Variants in METTL15 observed in about 807,000 individuals in gnomAD.
The protein encoded by METTL15 is 12S rRNA N(4)-cytidine methyltransferase METTL15.
A neutral mutation model predicts 38.3 loss-of-function variants in METTL15; 34 were observed. The ratio of observed to expected loss-of-function variants is 0.89; its 90% CI spans 0.68 to 1.18. The LOEUF is 1.18. Ranked by LOEUF, METTL15 falls within the 50% of genes most tolerant of loss-of-function variation. The pLI is 0.00. For missense variants in METTL15, 438 were observed against 498.4 expected (o/e 0.88, Z 1.15); for synonymous variants, 162 against 170.9 (o/e 0.95, Z 0.41).
At chr11:28,329,983 AT>A (rs375923391) in intron 6 of METTL15, among the ~76,000 whole-genome samples, 2 of 151,486 alleles carry the variant, frequency 1.3e-5, no homozygotes, top group East Asian at 1.9e-4. Context: ...TTCTGTTGGC[AT>A]TTTTTTTGTT....
intron 5 of METTL15, among the ~76,000 whole-genome samples, chr11:28,386,432 A>G (rs1315553223): frequency 6.6e-6 from 1 of 151,956 alleles, no homozygotes; most frequent in Non-Finnish European, 1.5e-5. Flanking sequence ...GATCATACTT[A>G]CATCAGAAAA....
At chr11:28,161,938 T>A (rs1314588646) in intron 3 of METTL15, among the ~76,000 whole-genome samples, 2 of 152,158 alleles carry the variant, frequency 1.3e-5, no homozygotes, top group Non-Finnish European at 2.9e-5. Flanking sequence ...AGCCATTAGA[T>A]TAGATGATAC....
intron 4 of METTL15, among the ~76,000 whole-genome samples, chr11:28,264,179 C>T (rs1021377771): frequency 3.3e-5 from 5 of 152,058 alleles, no homozygotes; most frequent in African/African-American, 7.2e-5. Flanking sequence ...GAAAGCATTT[C>T]GTTTGTCTTA....
At chr11:28,383,917 C>T (rs1850414013) in intron 5 of METTL15, among the ~76,000 whole-genome samples, 1 of 152,096 alleles carries the variant, frequency 6.6e-6, no homozygotes, top group African/African-American at 2.4e-5. Context: ...CATCCAGTGA[C>T]TAAGCTTAGT....
intron 3 of METTL15, among the ~76,000 whole-genome samples, chr11:28,201,673 G>A (rs879329654): frequency 1.4e-5 from 2 of 142,358 alleles, no homozygotes; most frequent in Non-Finnish European, 3.1e-5. Context: ...TTTGTGTAGA[G>A]GTGTTTATAG....
intron 3 of METTL15, among the ~76,000 whole-genome samples, chr11:28,200,038 T>A (rs907614132): frequency 2.6e-5 from 4 of 152,102 alleles, no homozygotes; most frequent in African/African-American, 9.7e-5. Flanking sequence ...TCATAGTGAG[T>A]GCTGGTGCAT....
At chr11:28,479,589 C>G (rs994235108) in intron 6 of METTL15, among the ~76,000 whole-genome samples, 2 of 152,114 alleles carry the variant, frequency 1.3e-5, no homozygotes, top group East Asian at 3.9e-4. Flanking sequence ...ATCCAGCTTG[C>G]CTGTAGTCTC....
intron 4 of METTL15, among the ~76,000 whole-genome samples, chr11:28,270,499 A>G (rs1025890326): frequency 6.6e-5 from 10 of 152,180 alleles, no homozygotes; most frequent in Admixed American, 3.3e-4. Flanking sequence ...ATTCCAGAAC[A>G]TTGTAATATT....
In METTL15 at chr11:28,185,964, T is replaced by C. The variant is rs182985281; in HGVS notation, c.271-25098T>C. 2.0e-3 allele frequency among the ~76,000 whole-genome samples: 297 copies of C among 150,772 alleles called. 1 individual carries two copies. The highest frequency in any genetic ancestry group is 3.2e-3 in the Non-Finnish European group (213 of 67,290). On this transcript the variant is annotated intron_variant, in intron 3 of 6. Coordinates refer to ENST00000407364, the MANE Select transcript of METTL15 (RefSeq NM_001113528.2). ...AAATATATGTGTGCATTCATTTTTA[T>C]AAATATGTAGTGGAATTATGAGTCC...
intron 6 of METTL15, among the ~76,000 whole-genome samples, chr11:28,308,892 G>GTAGGTAGATAGATAGATAGA (rs72449461): frequency 5.4e-5 from 8 of 147,000 alleles, no homozygotes; most frequent in East Asian, 2.0e-4. Flanking sequence ...AGGTAGGTAG[G>GTAGGTAGATAGATAGATAGA]TAGATAGATA....
downstream of METTL15, among the ~76,000 whole-genome samples, chr11:28,528,118 A>G (rs994734516): frequency 3.3e-5 from 5 of 152,206 alleles, no homozygotes; most frequent in African/African-American, 7.2e-5. Flanking sequence ...TATATCAACT[A>G]TATTTCCCAT....
In METTL15 at chr11:28,232,091, A is replaced by T. The variant is rs759895838; in HGVS notation, c.407+20893A>T. On this transcript the variant is annotated intron_variant, in intron 4 of 6. Coordinates refer to ENST00000407364, the MANE Select transcript of METTL15 (RefSeq NM_001113528.2). ...TTACAATGTAAATAGAACCTTTAAA[A>T]ATATCCAGACTACTCTTTAAAATAT... Among the ~76,000 whole-genome samples, 5 of 152,014 alleles carry T rather than the reference A, an allele frequency of 3.3e-5. No individual in the cohort carries two copies. In the South Asian group the frequency reaches 8.3e-4, roughly 25 times the overall value.
chr11:28,259,749 C>T (rs770452939), intron 4 of METTL15, among the ~76,000 whole-genome samples: 5 of 152,168 alleles, frequency 3.3e-5, no homozygotes, highest in Non-Finnish European at 4.4e-5. Context: ...GGCTGTTTTT[C>T]CTACCTCCTC....
chr11:28,180,812 A>G (rs904695837), intron 3 of METTL15, among the ~76,000 whole-genome samples: 1 of 151,770 alleles, frequency 6.6e-6, no homozygotes, highest in Non-Finnish European at 1.5e-5. Context: ...TAGGTTTTCG[A>G]CTGGTAGACT....
At chr11:28,229,034 CTA>C (rs1853588967) in intron 4 of METTL15, among the ~76,000 whole-genome samples, 1 of 151,776 alleles carries the variant, frequency 6.6e-6, no homozygotes, top group Non-Finnish European at 1.5e-5. Flanking sequence ...CTTAATCTTT[CTA>C]TGTCTGTATT....
At chr11:28,518,349 T>C (rs1851736650) in intron 6 of METTL15, among the ~76,000 whole-genome samples, 1 of 151,938 alleles carries the variant, frequency 6.6e-6, no homozygotes, top group South Asian at 2.1e-4. Context: ...TTAATAGGAG[T>C]GCCTGGCGCC....
At chr11:28,219,730 A>G (rs970955417) in intron 4 of METTL15, among the ~76,000 whole-genome samples, 2 of 151,946 alleles carry the variant, frequency 1.3e-5, no homozygotes, top group Non-Finnish European at 2.9e-5. Context: ...ACACTGCTTT[A>G]AATGTGTCCC....
chr11:28,203,938 G>T (rs1852211381), intron 3 of METTL15, among the ~76,000 whole-genome samples: 2 of 152,004 alleles, frequency 1.3e-5, no homozygotes, highest in South Asian at 4.1e-4. Context: ...ATACATTGAT[G>T]TTAAATGACT....
At chr11:28,481,784 C>T (rs1263072595) in intron 6 of METTL15, among the ~76,000 whole-genome samples, 1 of 152,170 alleles carries the variant, frequency 6.6e-6, no homozygotes, top group Admixed American at 6.5e-5. Context: ...TATCCAGTCA[C>T]ATCTTAAGTG....
Sources: allele counts gnomAD v4.1 joint callset (sites outside exome capture counted in the v4.1 genomes callset), GRCh38; gene constraint gnomAD v4.1.1; transcripts MANE v1.5; gene names NCBI Gene and HGNC (gene_info 2026-07-23, HGNC 2026-07-21).